The following POLA1 variants were observed in gnomAD, a reference collection of about 807,000 sequenced individuals.
POLA1 encodes the protein DNA polymerase alpha 1, catalytic subunit, also known as DNA polymerase alpha catalytic subunit.
POLA1 carries 15 observed loss-of-function variants against 124.0 expected under a neutral mutation model. The ratio of observed to expected loss-of-function variants is 0.12; its 90% CI spans 0.08 to 0.19. The LOEUF (loss-of-function observed/expected upper bound fraction) is 0.19, where lower values mean the gene tolerates loss of function less well. Among genes scored for constraint, POLA1 ranks in the 10% least tolerant of loss-of-function variants. The pLI, the probability that POLA1 is intolerant of heterozygous loss-of-function variation, is 1.00. For missense variants in POLA1, 886 were observed against 1,103.4 expected (o/e 0.80, Z 2.79); for synonymous variants, 408 against 389.4 (o/e 1.05, Z -0.56).
chrX:24,863,258 G>GC (rs11430408), intron 34 of POLA1, among the ~76,000 whole-genome samples: 44,929 of 101,312 alleles, frequency 0.44, 8,606 homozygotes, highest in African/African-American at 0.6. Context: ...GGAAGAGTAT[G>GC]CCCCCCCCCA....
intron 26 of POLA1, among the ~76,000 whole-genome samples, chrX:24,781,408 T>C (rs1246947192): frequency 9.0e-6 from 1 of 111,595 alleles, no homozygotes; most frequent in Non-Finnish European, 1.9e-5. Context: ...TGGGTTTTGG[T>C]TTTGTAACAT....
At chrX:24,699,315 A>G (rs1034871329) in intron 1 of POLA1, 110 bp from the exon 2 acceptor site, 33 of 518,624 alleles carry the variant, frequency 6.4e-5, no homozygotes, top group South Asian at 2.7e-4. Context: ...ATCTACTTGT[A>G]TATTACTAAA....
Position 24,860,176 on chromosome X carries a change from A to G in POLA1, c.4047+16499A>G, listed in dbSNP as rs750554006. Among the ~76,000 whole-genome samples, 3 of 112,475 alleles carry G rather than the reference A, an allele frequency of 2.7e-5. No individual in the cohort carries two copies. In the East Asian group the frequency reaches 8.4e-4, roughly 31 times the overall value. On this transcript the variant is annotated intron_variant, in intron 34 of 36. Transcript: ENST00000379068. ...AACTAGTCAGTCATATCTTTTTCCT[A>G]TTAACACCATAATTAAATACCCAGA... is the stretch of plus-strand genomic sequence containing the variant.
chrX:24,712,544 A>G (rs1929531731), intron 4 of POLA1, among the ~76,000 whole-genome samples: 1 of 111,851 alleles, frequency 8.9e-6, no homozygotes, highest in Non-Finnish European at 1.9e-5. Context: ...TCTGTGATAC[A>G]TATTGCACAA....
intron 36 of POLA1, among the ~76,000 whole-genome samples, chrX:24,954,626 T>C (rs956700517): frequency 2.7e-5 from 3 of 112,361 alleles, no homozygotes; most frequent in Non-Finnish European, 5.6e-5. Flanking sequence ...ATATCTGATT[T>C]ATGGTAGGTG....
intron 26 of POLA1, chrX:24,775,093 G>A (rs951213599): frequency 9.1e-6 from 1 of 109,368 alleles, no homozygotes; most frequent in East Asian, 2.8e-4. Flanking sequence ...TCTTTTTTGT[G>A]TTTATAAAAT....
intron 35 of POLA1, among the ~76,000 whole-genome samples, chrX:24,898,077 T>C (rs1181541430): frequency 1.8e-5 from 2 of 112,454 alleles, no homozygotes. Context: ...GTGCAATTTG[T>C]AATATTTTCA....
In POLA1 at chrX:24,742,169, C is replaced by T. The variant is rs201577552; in HGVS notation, c.2466+48C>T. On this transcript the variant is annotated intron_variant, in intron 22 of 36. Coordinates refer to ENST00000379068, the MANE Select transcript of POLA1 (RefSeq NM_001330360.2). ...TTTTGTTTTCTCTTAACCCCCCCCC[C>T]CCTTTTAATACCTAGATAGCCTTTT... 255 of 824,008 alleles carry T rather than the reference C, an allele frequency of 3.1e-4. 5 individuals are homozygous for T. In the East Asian group the frequency reaches 0.012, roughly 39 times the overall value. 67.9% of individuals were successfully genotyped at this position (824,008 alleles called of 1,213,427 possible). A position where few individuals can be genotyped will look rare whatever the true frequency, so the allele number is the denominator to read the frequency against.
intron 35 of POLA1, among the ~76,000 whole-genome samples, chrX:24,909,745 T>G (rs2047419684): frequency 9.0e-6 from 1 of 111,175 alleles, no homozygotes; most frequent in Non-Finnish European, 1.9e-5. Flanking sequence ...ATATGAACTT[T>G]AAAGTAGTTT....
In POLA1 at chrX:24,842,035, A is replaced by G. The variant is rs555938363; in HGVS notation, c.3915+205A>G. The G allele has an allele frequency of 1.6e-4, 56 of 358,385 alleles. No homozygotes were observed. In the South Asian group the frequency reaches 3.7e-3, roughly 24 times the overall value. The allele number at this position is 358,385 out of a possible 1,213,427, so 29.5% of individuals were successfully genotyped here. ...AACTCTTACTTGAATGTGCTTGAATATTGTTTTGGCTTCCTAGAGTGCTTG... is the reference window on the plus strand; with the variant it reads ...AACTCTTACTTGAATGTGCTTGAATGTTGTTTTGGCTTCCTAGAGTGCTTG... On this transcript the variant is annotated intron_variant, in intron 33 of 36. Transcript: ENST00000379068.
chrX:24,736,027 GCAACATTTTGTTTTATATATC>G (rs999461893), intron 18 of POLA1, among the ~76,000 whole-genome samples: 5 of 110,978 alleles, frequency 4.5e-5, no homozygotes, highest in African/African-American at 1.6e-4. Flanking sequence ...GAGTCATAAG[GCAACATTTTGTTTTATATATC>G]CTCTGGCCTT....
intron 35 of POLA1, among the ~76,000 whole-genome samples, chrX:24,908,929 A>C (rs1458831344): frequency 1.8e-5 from 2 of 111,852 alleles, no homozygotes; most frequent in Non-Finnish European, 3.8e-5. Context: ...TCGCCATTCT[A>C]ACTGGTGTGA....
intron 35 of POLA1, among the ~76,000 whole-genome samples, chrX:24,891,184 GT>G (rs900405324): frequency 9.8e-5 from 11 of 111,838 alleles, no homozygotes; most frequent in African/African-American, 3.6e-4. Context: ...AAAGTGACTT[GT>G]TTTTTTCTTC....
intron 36 of POLA1, among the ~76,000 whole-genome samples, chrX:24,963,124 C>T (rs1386438661): frequency 9.0e-6 from 1 of 111,712 alleles, no homozygotes; most frequent in East Asian, 2.8e-4. Context: ...CCAAAACATA[C>T]ACATAGAAAG....
chrX:24,781,794 A>C (rs1385576771), intron 26 of POLA1, among the ~76,000 whole-genome samples: 1 of 112,092 alleles, frequency 8.9e-6, no homozygotes, highest in Non-Finnish European at 1.9e-5. Flanking sequence ...TATTGTATCA[A>C]GTAAATTATC....
chrX:24,760,331 G>A (rs775694501), intron 26 of POLA1, among the ~76,000 whole-genome samples: 38 of 111,407 alleles, frequency 3.4e-4, no homozygotes, highest in South Asian at 7.7e-4. Context: ...ATCTGCCCAG[G>A]TATACATTTA....
At chrX:24,728,697 G>A (rs1455677505) in intron 15 of POLA1, among the ~76,000 whole-genome samples, 1 of 111,728 alleles carries the variant, frequency 9.0e-6, no homozygotes, top group East Asian at 2.8e-4. Flanking sequence ...TATACCAGGG[G>A]TTGGCAGGCA....
In POLA1 at chrX:24,885,726, G is replaced by A. The variant is rs184474232; in HGVS notation, c.4048-2280G>A. Among the ~76,000 whole-genome samples the A allele has an allele frequency of 3.4e-3, 380 of 111,345 alleles. 2 individuals are homozygous for A. Among genetic ancestry groups the A allele is most frequent in the African/African-American group, 0.012 (354 of 30,613 alleles). On this transcript the variant is annotated intron_variant, in intron 34 of 36. Transcript: ENST00000379068. The stretch of plus-strand genomic sequence containing the variant: ...TTTTTAGTAGAGACGGGGTTTCACC[G>A]TGTTAGCCAGGATGGTCTCCATCTC...
intron 35 of POLA1, among the ~76,000 whole-genome samples, chrX:24,909,159 C>CA (rs1204864461): frequency 1.8e-5 from 2 of 111,887 alleles, no homozygotes; most frequent in African/African-American, 3.2e-5. Context: ...GAGTAGATTG[C>CA]AAAAATTTTC....
Sources: allele counts gnomAD v4.1 joint callset (sites outside exome capture counted in the v4.1 genomes callset), GRCh38; gene constraint gnomAD v4.1.1; transcripts MANE v1.5; gene names NCBI Gene and HGNC (gene_info 2026-07-23, HGNC 2026-07-21).